Variants in RNF213 observed in about 807,000 individuals in gnomAD.
RNF213 encodes the protein E3 ubiquitin-protein ligase RNF213.
RNF213 carries 341 observed loss-of-function variants against 514.4 expected under a neutral mutation model. The ratio of observed to expected loss-of-function variants is 0.66; its 90% CI spans 0.61 to 0.73. RNF213 has a LOEUF of 0.73. Among genes scored for constraint, RNF213 ranks in the 30% least tolerant of loss-of-function variants. The probability of loss-of-function intolerance (pLI) is 0.00; values close to 1 mark genes in which losing one functional copy is unlikely to be tolerated. For synonymous variants in RNF213, 2,655 were observed against 2,658.2 expected (o/e 1.00, Z 0.04); for missense variants, 5,767 against 6,615.6 (o/e 0.87, Z 4.45).
At position 80,343,089 on chromosome 17, in the gene RNF213, T is replaced by G; in HGVS notation, c.5990-43T>G. The G allele has an allele frequency of 1.3e-6, 2 of 1,531,446 alleles. No individual in the cohort carries two copies. The highest frequency in any genetic ancestry group is 1.8e-6 in the Non-Finnish European group (2 of 1,105,572). The allele number at this position is 1,531,446 out of a possible 1,614,324, so 94.9% of individuals were successfully genotyped here. A position where few individuals can be genotyped will look rare whatever the true frequency, so the allele number is the denominator to read the frequency against. The stretch of plus-strand genomic sequence containing the variant: ...TCCCAAAGTGCTAGGATTACAGGTG[T>G]GAGCCACCACTCCCAGCCCTAATTT... On this transcript the variant is annotated intron_variant, in intron 26 of 67. Coordinates refer to ENST00000582970, the MANE Select transcript of RNF213 (RefSeq NM_001256071.3). This position sits in a 1 kb window ranked among gnomAD's most constrained non-coding sequence, Gnocchi z 4.3.
chr17:80,289,614 TG>T, intron 5 of RNF213, 44 bp from the exon 6 acceptor site: 1 of 1,511,434 alleles, frequency 6.6e-7, no homozygotes, highest in Non-Finnish European at 8.9e-7. Flanking sequence ...AAAAAGAAAA[TG>T]TGGAGGCCGG....
intron 59 of RNF213, 111 bp from the exon 60 acceptor site, chr17:80,384,924 CACTG>C: frequency 6.4e-6 from 7 of 1,098,498 alleles, no homozygotes; most frequent in Non-Finnish European, 9.6e-6. Flanking sequence ...CAGGAAATGA[CACTG>C]ACCAGATTAA....
chr17:80,275,869 G>A (rs1341269160), intron 3 of RNF213, among the ~76,000 whole-genome samples: 1 of 151,504 alleles, frequency 6.6e-6, no homozygotes, highest in African/African-American at 2.4e-5. Flanking sequence ...TCACCATGTT[G>A]GCCAGGATGG....
intron 32 of RNF213, chr17:80,352,483 C>T (rs2078561867): frequency 2.0e-6 from 1 of 489,402 alleles, no homozygotes; most frequent in Non-Finnish European, 3.6e-6. Flanking sequence ...ATCTTCAGAT[C>T]TCTTTTTTTC....
At chr17:80,266,325 G>T (rs1294323691) in intron 2 of RNF213, among the ~76,000 whole-genome samples, 1 of 151,500 alleles carries the variant, frequency 6.6e-6, no homozygotes, top group Non-Finnish European at 1.5e-5. Flanking sequence ...GGAGCAGGAG[G>T]ATCACTTGAG....
rs768473191 is a variant in RNF213, at chr17:80,380,983, C to T, written c.13793C>T (p.Ser4598Phe). ...LALLLGASQS[S>F]QALINIIKPP... ...CTGCTTCTGGGAGCGTCCCAGAGTT[C>T]CCAGGTATAACCCAGTGCTGCCAAA... is the stretch of plus-strand genomic sequence containing the variant. Residue 4598 changes from serine to phenylalanine, a missense_variant, in exon 56 of 68, where the codon TCC becomes TTC. Physicochemically the swap from Ser to Phe is radical, Grantham distance 155 (BLOSUM62 -2). Transcript: ENST00000582970. The T allele has an allele frequency of 6.2e-7, 1 of 1,614,156 alleles. No individual in the cohort carries two copies. Among genetic ancestry groups the T allele is most frequent in the South Asian group, 1.1e-5 (1 of 91,072 alleles).
chr17:80,346,909 G>A lies in RNF213; in HGVS notation c.8574G>A (p.Lys2858=), dbSNP rs140047947. Residue 2858 remains lysine, a synonymous_variant, in exon 29 of 68, where the codon AAG becomes AAA. Transcript: ENST00000582970. This position sits in a 1 kb window ranked among gnomAD's most constrained non-coding sequence, Gnocchi z 8.1. ...LAEDSPKMPL[K]TLHPLLEDGC... is the part of the protein sequence containing the mutation. ...AAGACTCACCCAAAATGCCCCTGAA[G>A]ACTCTGCACCCGCTGCTGGAAGACG... 32 of 1,613,998 alleles carry A rather than the reference G, an allele frequency of 2.0e-5. No homozygotes were observed. Among genetic ancestry groups the A allele is most frequent in the Non-Finnish European group, 2.7e-5 (32 of 1,180,040 alleles).
At chr17:80,335,067 G>A (rs1327811008) in intron 22 of RNF213, among the ~76,000 whole-genome samples, 1 of 151,066 alleles carries the variant, frequency 6.6e-6, no homozygotes, top group Non-Finnish European at 1.5e-5. Flanking sequence ...GATTACAGGC[G>A]CCCGCCACCA....
intron 42 of RNF213, 142 bp downstream of exon 42, chr17:80,364,695 A>G: frequency 1.1e-6 from 1 of 921,190 alleles, no homozygotes; most frequent in South Asian, 1.4e-5. Context: ...AGGTGATTTC[A>G]TCACTAGGCC....
intron 2 of RNF213, among the ~76,000 whole-genome samples, chr17:80,269,413 A>T (rs552961219): frequency 1.4e-3 from 203 of 149,364 alleles, no homozygotes; most frequent in African/African-American, 4.8e-3. Context: ...TCATCTATCC[A>T]TCCATCCATC....
chr17:80,297,791 A>C (rs557292421), intron 10 of RNF213, among the ~76,000 whole-genome samples: 40 of 151,110 alleles, frequency 2.6e-4, no homozygotes, highest in African/African-American at 9.7e-4. Flanking sequence ...CGTCTCAAAA[A>C]AAAAAAAAAA....
Position 80,332,076 on chromosome 17 carries a change from A to G in RNF213, c.3588A>G (p.Thr1196=). 3 of 1,537,204 alleles carry G rather than the reference A, an allele frequency of 2.0e-6. No homozygotes were observed. Among genetic ancestry groups the G allele is most frequent in the Non-Finnish European group, 2.6e-6 (3 of 1,146,922 alleles). Residue 1196 remains threonine (T), a synonymous_variant, in exon 21 of 68, where the codon ACA becomes ACG. Coordinates refer to ENST00000582970, the MANE Select transcript of RNF213 (RefSeq NM_001256071.3). ...LSSKRLNDTV[T]VRLSTSSNSQ... is the part of the protein sequence containing the mutation. ...GTAAAAGATTAAATGACACCGTGACAGTGAGACTGTCCACCTCCTCGAACT... is the reference window on the plus strand; with the variant it reads ...GTAAAAGATTAAATGACACCGTGACGGTGAGACTGTCCACCTCCTCGAACT...
chr17:80,372,932 C>G lies in RNF213; in HGVS notation c.12752-43C>G, dbSNP rs770236636. The G allele has an allele frequency of 2.5e-6, 4 of 1,589,094 alleles. No homozygotes were observed. The South Asian group carries it at 3.4e-5, about 13-fold the overall frequency. ...GGCCTTGTGTCCTACAATAAATGCC[C>G]TAAGTCACCAGCCACTCACCCGCTT... On this transcript the variant is annotated intron_variant, in intron 48 of 67. Transcript: ENST00000582970.
chr17:80,359,141 C>G (rs1011852105), intron 37 of RNF213, among the ~76,000 whole-genome samples: 1 of 152,116 alleles, frequency 6.6e-6, no homozygotes, highest in Non-Finnish European at 1.5e-5. Context: ...CTTCCGCAGG[C>G]CTGATGATGT....
intron 58 of RNF213, among the ~76,000 whole-genome samples, chr17:80,383,453 A>T (rs559595763): frequency 6.6e-6 from 1 of 152,374 alleles, no homozygotes; most frequent in African/African-American, 2.4e-5. Context: ...GAATGTTAGT[A>T]AGAGAAATAT....
At position 80,381,657 on chromosome 17, in the gene RNF213, C is replaced by A; in HGVS notation, c.13908C>A (p.Asp4636Glu). 1 of 1,614,168 alleles carries A rather than the reference C, an allele frequency of 6.2e-7. No individual in the cohort carries two copies. The highest frequency in any genetic ancestry group is 8.5e-7 in the Non-Finnish European group (1 of 1,180,004). ...CCAAGATGCTGGGACACAGTGCCGA[C>A]GAGACCATCGGCGTGGTCCACCTCG... Reference protein sequence around the residue: ...QLAKMLGHSADETIGVVHLVL... With the variant: ...QLAKMLGHSAEETIGVVHLVL... The change falls in exon 57 of 68, where the codon GAC becomes GAA. Residue 4636 changes from aspartate (D) to glutamate (E), a missense_variant. Physicochemically the swap from Asp to Glu is conservative, Grantham distance 45 (BLOSUM62 2). Transcript: ENST00000582970.
At chr17:80,269,652 C>A (rs1567991239) in intron 2 of RNF213, among the ~76,000 whole-genome samples, 1 of 151,980 alleles carries the variant, frequency 6.6e-6, no homozygotes, top group Non-Finnish European at 1.5e-5. Flanking sequence ...ATCTATTCAT[C>A]CATCAATCTA....
intron 18 of RNF213, among the ~76,000 whole-genome samples, chr17:80,325,993 C>T (rs958522832): frequency 6.6e-6 from 1 of 151,508 alleles, no homozygotes; most frequent in African/African-American, 2.4e-5. Flanking sequence ...GAGTCTCGCT[C>T]TCTCACCCAG....
chr17:80,270,525 AT>A (rs1473409470), intron 2 of RNF213, among the ~76,000 whole-genome samples: 1 of 152,206 alleles, frequency 6.6e-6, no homozygotes, highest in African/African-American at 2.4e-5. Context: ...AGCGTTCAGA[AT>A]GATGGATCTT....
Sources: allele counts gnomAD v4.1 joint callset (sites outside exome capture counted in the v4.1 genomes callset), GRCh38; gene constraint gnomAD v4.1.1; non-coding constraint Gnocchi (gnomAD v3.1); transcripts MANE v1.5; gene names NCBI Gene and HGNC (gene_info 2026-07-23, HGNC 2026-07-21).